The following ZNF407 variants were observed in gnomAD, a reference collection of about 807,000 sequenced individuals.
The protein encoded by ZNF407 is zinc finger protein 407.
ZNF407 carries 17 observed loss-of-function variants against 131.2 expected under a neutral mutation model. The observed-to-expected ratio is 0.13, with a 90% confidence interval of 0.09 to 0.19. The LOEUF is 0.19. ZNF407 is among the 10% of genes least tolerant of loss of function. ZNF407 has a pLI of 1.00. For missense variants in ZNF407, 2,681 were observed against 2,830.6 expected (o/e 0.95, Z 1.20); for synonymous variants, 1,156 against 1,062.0 (o/e 1.09, Z -1.72).
At chr18:74,701,685 G>A (rs1967499416) in intron 3 of ZNF407, among the ~76,000 whole-genome samples, 1 of 152,066 alleles carries the variant, frequency 6.6e-6, no homozygotes, top group Non-Finnish European at 1.5e-5. Flanking sequence ...TTTTTGAATT[G>A]AATCTAATCT....
chr18:75,023,990 C>T (rs1475830050), intron 8 of ZNF407, among the ~76,000 whole-genome samples: 1 of 152,048 alleles, frequency 6.6e-6, no homozygotes, highest in African/African-American at 2.4e-5. Context: ...AAGTTTCGAT[C>T]TAGAGGCCTG....
intron 4 of ZNF407, among the ~76,000 whole-genome samples, chr18:74,783,843 C>T (rs1015834965): frequency 6.6e-6 from 1 of 152,162 alleles, no homozygotes. Context: ...AATTGTTTTT[C>T]CTTTTAAAAA....
intron 3 of ZNF407, among the ~76,000 whole-genome samples, chr18:74,696,357 C>A (rs1244390834): frequency 1.3e-5 from 2 of 152,190 alleles, no homozygotes; most frequent in Non-Finnish European, 2.9e-5. Context: ...TACTTTGGAA[C>A]ATGAAAGTTT....
At chr18:74,888,004 G>T (rs975244278) in intron 6 of ZNF407, among the ~76,000 whole-genome samples, 2 of 152,106 alleles carry the variant, frequency 1.3e-5, no homozygotes, top group Non-Finnish European at 2.9e-5. Flanking sequence ...ACTTCTAAAC[G>T]TTCTAATTTT....
At chr18:74,682,155 G>A (rs1178677482) in intron 3 of ZNF407, among the ~76,000 whole-genome samples, 1 of 152,194 alleles carries the variant, frequency 6.6e-6, no homozygotes, top group Non-Finnish European at 1.5e-5. Flanking sequence ...ATGGAAAGGG[G>A]ACAGTAAACT....
At chr18:74,801,279 G>T (rs1970015024) in intron 4 of ZNF407, among the ~76,000 whole-genome samples, 1 of 152,044 alleles carries the variant, frequency 6.6e-6, no homozygotes, top group South Asian at 2.1e-4. Context: ...AGGTATATGA[G>T]ATTAATTTTA....
intron 3 of ZNF407, among the ~76,000 whole-genome samples, chr18:74,714,758 GT>G (rs1251733550): frequency 6.6e-6 from 1 of 152,092 alleles, no homozygotes; most frequent in African/African-American, 2.4e-5. Context: ...TCAGCACTTA[GT>G]TTTCTCATAG....
intron 4 of ZNF407, among the ~76,000 whole-genome samples, chr18:74,866,687 T>G (rs1390954791): frequency 6.6e-6 from 1 of 151,186 alleles, no homozygotes; most frequent in Non-Finnish European, 1.5e-5. Flanking sequence ...AAATAATATA[T>G]ATATATAATT....
intron 3 of ZNF407, among the ~76,000 whole-genome samples, chr18:74,757,508 A>G (rs1474314739): frequency 6.6e-6 from 1 of 152,132 alleles, no homozygotes; most frequent in Non-Finnish European, 1.5e-5. Flanking sequence ...ACTAAAGGAA[A>G]TAAAAGTATT....
rs869103622 is a variant in ZNF407 at position 74,786,793 on chromosome 18, G to GT, written c.4877+5319dup. On this transcript the variant is annotated intron_variant, in intron 4 of 8. Transcript: ENST00000299687. ...AATTGGTTTTAATGTAAAAAAGTATGTTTTTTTTTTTTTTTTTTTTTTTTT... is the reference window on the plus strand; with the variant it reads ...AATTGGTTTTAATGTAAAAAAGTATGTTTTTTTTTTTTTTTTTTTTTTTTTT... Among the ~76,000 whole-genome samples, 702 of 89,364 alleles carry GT rather than the reference G, an allele frequency of 7.9e-3. 148 individuals carry two copies. The highest frequency in any genetic ancestry group is 0.024 in the African/African-American group (535 of 22,400). The allele number at this position is 89,364 out of a possible 152,430, so 58.6% of individuals were successfully genotyped here.
At chr18:74,998,379 G>A (rs1438571353) in intron 8 of ZNF407, among the ~76,000 whole-genome samples, 2 of 152,166 alleles carry the variant, frequency 1.3e-5, no homozygotes, top group Non-Finnish European at 1.5e-5. Context: ...AGTGTGGGAA[G>A]GTCCCCTGTC....
intron 8 of ZNF407, among the ~76,000 whole-genome samples, chr18:74,982,583 G>A (rs975927064): frequency 1.3e-5 from 2 of 152,196 alleles, no homozygotes; most frequent in African/African-American, 4.8e-5. Context: ...CAGGGATGCA[G>A]CTATCACTCA....
In ZNF407 at chr18:74,879,417, C is replaced by G. The variant is rs74708999; in HGVS notation, c.5045-1619C>G. On this transcript the variant is annotated intron_variant, in intron 5 of 8. Transcript: ENST00000299687. ...GCAGGCAGCACCCACGGACCCGCAA[C>G]GAGGAATTGATTGGAGGGAACGATT... 6.3e-4 allele frequency among the ~76,000 whole-genome samples: 96 copies of G among 152,060 alleles called. 1 individual carries two copies. The highest frequency in any genetic ancestry group is 2.0e-3 in the African/African-American group (84 of 41,456).
At chr18:75,017,785 G>A (rs1973062421) in intron 8 of ZNF407, among the ~76,000 whole-genome samples, 1 of 152,092 alleles carries the variant, frequency 6.6e-6, no homozygotes, top group Non-Finnish European at 1.5e-5. Flanking sequence ...ACCTTGTGCT[G>A]CTCCTGTCTC....
intron 8 of ZNF407, among the ~76,000 whole-genome samples, chr18:74,993,891 G>A (rs750162790): frequency 2.2e-4 from 34 of 152,194 alleles, no homozygotes; most frequent in Non-Finnish European, 4.9e-4. Context: ...TCTTCTAAAT[G>A]ACTGGCGTGT....
intron 8 of ZNF407, among the ~76,000 whole-genome samples, chr18:74,935,942 T>A (rs1455105501): frequency 6.6e-6 from 1 of 152,240 alleles, no homozygotes; most frequent in Admixed American, 6.5e-5. Context: ...CTTTTCTCCC[T>A]GTATGTAATT....
At chr18:75,032,191 G>A (rs144401818) in intron 8 of ZNF407, among the ~76,000 whole-genome samples, 13 of 152,242 alleles carry the variant, frequency 8.5e-5, no homozygotes, top group East Asian at 3.9e-4. Flanking sequence ...AAGCTTTTCC[G>A]TGTCACACGG....
intron 1 of ZNF407, among the ~76,000 whole-genome samples, chr18:74,624,324 G>A (rs950184142): frequency 6.6e-6 from 1 of 152,096 alleles, no homozygotes; most frequent in Non-Finnish European, 1.5e-5. Context: ...GACCCGTTCC[G>A]GCTCTGTTGG....
At chr18:74,963,716 A>G (rs1972376283) in intron 8 of ZNF407, among the ~76,000 whole-genome samples, 1 of 152,224 alleles carries the variant, frequency 6.6e-6, no homozygotes, top group Admixed American at 6.5e-5. Flanking sequence ...TTATAAAACA[A>G]TATCTATGTT....
Sources: allele counts gnomAD v4.1 joint callset (sites outside exome capture counted in the v4.1 genomes callset), GRCh38; gene constraint gnomAD v4.1.1; transcripts MANE v1.5; gene names NCBI Gene and HGNC (gene_info 2026-07-23, HGNC 2026-07-21).